Variants in THSD7A observed in about 807,000 individuals in gnomAD.
THSD7A encodes the protein thrombospondin type 1 domain containing 7A, also known as thrombospondin type-1 domain-containing protein 7A.
Under a neutral mutation model 231.3 loss-of-function variants are expected in THSD7A, and 96 were observed. That is an observed-to-expected ratio of 0.41 (90% CI 0.35 to 0.49). THSD7A has a LOEUF of 0.49. Among genes scored for constraint, THSD7A ranks in the 20% least tolerant of loss-of-function variants. The pLI, the probability that THSD7A is intolerant of heterozygous loss-of-function variation, is 0.05. For missense variants in THSD7A, 2,290 were observed against 2,070.2 expected (o/e 1.11, Z -2.06); for synonymous variants, 940 against 743.3 (o/e 1.26, Z -4.30).
At position 11,446,183 on chromosome 7, in the gene THSD7A, A is replaced by G. The variant is rs926299433; in HGVS notation, c.2942T>C (p.Val981Ala). 7.4e-6 allele frequency: 12 copies of G among 1,613,330 alleles called. No individual in the cohort carries two copies. The highest frequency in any genetic ancestry group is 6.7e-5 in the Admixed American group (4 of 59,888). The change falls in exon 13 of 28, where the codon GTG becomes GCG. Residue 981 changes from valine (V) to alanine (A), a missense_variant. Coordinates refer to ENST00000423059, the MANE Select transcript of THSD7A (RefSeq NM_015204.3). This position sits in a 1 kb window ranked among gnomAD's most constrained non-coding sequence, Gnocchi z 4.0. ...TCCTTGTACTTTCATTCCCAGCAAC[A>G]CTTCCACTTTTCCCTCTGGTAAAAT... The part of the protein sequence containing the change: ...DCILPEGKVE[V>A]LLGMKVQGDI...
At chr7:11,740,869 C>T (rs546776236) in intron 1 of THSD7A, among the ~76,000 whole-genome samples, 2 of 152,024 alleles carry the variant, frequency 1.3e-5, no homozygotes, top group South Asian at 4.2e-4. Flanking sequence ...GCATATTAGT[C>T]CTGGAACATA....
At chr7:11,751,221 G>C (rs1782490104) in intron 1 of THSD7A, 1 of 152,094 alleles carries the variant, frequency 6.6e-6, no homozygotes, top group African/African-American at 2.4e-5. Flanking sequence ...CCGTAAGCCG[G>C]ATAGTTGTCT....
At chr7:11,480,920 A>G (rs1313930446) in intron 7 of THSD7A, among the ~76,000 whole-genome samples, 4 of 126,252 alleles carry the variant, frequency 3.2e-5, no homozygotes, top group African/African-American at 1.1e-4. Context: ...TCAGTGCTAA[A>G]TGTGAACAAA....
In THSD7A at chr7:11,636,589, A is replaced by G; in HGVS notation, c.563T>C (p.Leu188Pro). 3 of 1,614,012 alleles carry G rather than the reference A, an allele frequency of 1.9e-6. No homozygotes were observed. Among genetic ancestry groups the G allele is most frequent in the Non-Finnish European group, 2.5e-6 (3 of 1,179,900 alleles). Reference protein sequence around the residue: ...EPKPLLEQACLIPCQQDCIVS... With the variant: ...EPKPLLEQACPIPCQQDCIVS... ...GATGCAATCTTGCTGGCAAGGAATGAGGCAAGCCTGCTCCAGGAGAGGCTT... is the reference window on the plus strand; with the variant it reads ...GATGCAATCTTGCTGGCAAGGAATGGGGCAAGCCTGCTCCAGGAGAGGCTT... The change falls in exon 2 of 28, where the codon CTC becomes CCC. Residue 188 changes from leucine (L) to proline (P), a missense_variant. Transcript: ENST00000423059. This position sits in a 1 kb window ranked among gnomAD's most constrained non-coding sequence, Gnocchi z 10.0.
chr7:11,782,462 T>C (rs1783664446), intron 1 of THSD7A, among the ~76,000 whole-genome samples: 1 of 152,122 alleles, frequency 6.6e-6, no homozygotes, highest in Admixed American at 6.5e-5. Context: ...TTCTCAGTAA[T>C]TCTAGTATTT....
At chr7:11,760,607 AGCCT>A (rs1782823801) in intron 1 of THSD7A, among the ~76,000 whole-genome samples, 1 of 152,084 alleles carries the variant, frequency 6.6e-6, no homozygotes, top group African/African-American at 2.4e-5. Context: ...ACAGCAATAT[AGCCT>A]CTAGGCTCAC....
At chr7:11,679,003 T>C (rs1783759155) in intron 1 of THSD7A, among the ~76,000 whole-genome samples, 1 of 152,078 alleles carries the variant, frequency 6.6e-6, no homozygotes, top group South Asian at 2.1e-4. Context: ...ATCCACCACT[T>C]TCAAGTCAGC....
At chr7:11,612,767 C>A (rs1332873601) in intron 2 of THSD7A, among the ~76,000 whole-genome samples, 2 of 152,134 alleles carry the variant, frequency 1.3e-5, no homozygotes, top group African/African-American at 4.8e-5. Flanking sequence ...TGCTATCAAA[C>A]TTTTATAGAT....
intron 4 of THSD7A, among the ~76,000 whole-genome samples, chr7:11,583,341 A>G (rs935632429): frequency 6.6e-6 from 1 of 152,034 alleles, no homozygotes; most frequent in African/African-American, 2.4e-5. Context: ...CAGTGGCACA[A>G]TCTTGGCTAA....
intron 4 of THSD7A, among the ~76,000 whole-genome samples, chr7:11,546,175 G>C (rs1348777407): frequency 3.0e-5 from 3 of 99,720 alleles, no homozygotes; most frequent in Non-Finnish European, 4.1e-5. Flanking sequence ...CCCTGTTGCT[G>C]CTCTGTTGTT....
chr7:11,722,996 T>C (rs1241004142), intron 1 of THSD7A, among the ~76,000 whole-genome samples: 1 of 151,988 alleles, frequency 6.6e-6, no homozygotes, highest in Non-Finnish European at 1.5e-5. Flanking sequence ...CAAAGGATTA[T>C]AAATCATGCT....
chr7:11,610,882 G>T (rs1294931018), intron 2 of THSD7A, among the ~76,000 whole-genome samples: 1 of 152,116 alleles, frequency 6.6e-6, no homozygotes, highest in Non-Finnish European at 1.5e-5. Flanking sequence ...TATGTTCCAA[G>T]ATGTGTACTT....
At chr7:11,502,423 A>G (rs1320441270) in intron 6 of THSD7A, among the ~76,000 whole-genome samples, 1 of 152,186 alleles carries the variant, frequency 6.6e-6, no homozygotes, top group East Asian at 1.9e-4. Context: ...CAGCACGTCA[A>G]AAACTAAATC....
At chr7:11,597,279 C>G (rs1780397740) in intron 2 of THSD7A, among the ~76,000 whole-genome samples, 1 of 152,180 alleles carries the variant, frequency 6.6e-6, no homozygotes. Flanking sequence ...TTGGCTCCTC[C>G]TACAACCAAG....
chr7:11,720,941 T>C (rs747605507), intron 1 of THSD7A, among the ~76,000 whole-genome samples: 3 of 151,770 alleles, frequency 2.0e-5, no homozygotes, highest in Non-Finnish European at 4.4e-5. Flanking sequence ...TAGGGCTCTG[T>C]TTAGTCCTCT....
At chr7:11,824,017 A>C (rs892499975) in intron 1 of THSD7A, among the ~76,000 whole-genome samples, 5 of 152,080 alleles carry the variant, frequency 3.3e-5, no homozygotes, top group African/African-American at 1.2e-4. Flanking sequence ...CACAAAACAG[A>C]AACAATTCTA....
intron 27 of THSD7A, 139 bp from the exon 28 acceptor site, chr7:11,376,017 T>G (rs1782258250): frequency 2.9e-6 from 2 of 692,462 alleles, no homozygotes; most frequent in Non-Finnish European, 4.9e-6. Flanking sequence ...TCTATCTACC[T>G]TAGAATTTGA....
At chr7:11,479,948 A>G (rs1167786831) in intron 7 of THSD7A, among the ~76,000 whole-genome samples, 4 of 152,176 alleles carry the variant, frequency 2.6e-5, no homozygotes, top group Non-Finnish European at 5.9e-5. Context: ...AAGAAATGAT[A>G]AATGTCTGAG....
Position 11,371,005 on chromosome 7 carries a change from C to A in THSD7A, c.*4789G>T, listed in dbSNP as rs1290816713. ...AAAACAATAAATCTACAAAACACAA[C>A]AAGACTGACAATTATATTCTAAATA... is the stretch of plus-strand genomic sequence containing the variant. On this transcript the variant is annotated 3_prime_UTR_variant, in exon 28 of 28. Coordinates refer to ENST00000423059, the MANE Select transcript of THSD7A (RefSeq NM_015204.3). 3 of 152,056 alleles carry A rather than the reference C, an allele frequency of 2.0e-5. No individual in the cohort carries two copies. The highest frequency in any genetic ancestry group is 4.8e-5 in the African/African-American group (2 of 41,408). 9.4% of individuals were successfully genotyped at this position (152,056 alleles called of 1,614,324 possible). A position where few individuals can be genotyped will look rare whatever the true frequency, so the allele number is the denominator to read the frequency against.
Sources: allele counts gnomAD v4.1 joint callset (sites outside exome capture counted in the v4.1 genomes callset), GRCh38; gene constraint gnomAD v4.1.1; non-coding constraint Gnocchi (gnomAD v3.1); transcripts MANE v1.5; gene names NCBI Gene and HGNC (gene_info 2026-07-23, HGNC 2026-07-21).